ADAM29: variants seen among roughly 807,000 people sequenced by gnomAD.
ADAM29 encodes ADAM metallopeptidase domain 29, also known as disintegrin and metalloproteinase domain-containing protein 29.
For synonymous variants in ADAM29, 367 were observed against 342.3 expected (o/e 1.07, Z -0.80); for missense variants, 969 against 1,001.8 (o/e 0.97, Z 0.44).
At chr4:174,959,167 A>C (rs930999609) in intron 4 of ADAM29, among the ~76,000 whole-genome samples, 1 of 151,750 alleles carries the variant, frequency 6.6e-6, no homozygotes, top group Non-Finnish European at 1.5e-5. Flanking sequence ...TCTGCTGTCA[A>C]TGTCATTAGT....
At chr4:174,922,400 A>G (rs1389412280) in intron 2 of ADAM29, among the ~76,000 whole-genome samples, 1 of 152,190 alleles carries the variant, frequency 6.6e-6, no homozygotes, top group Non-Finnish European at 1.5e-5. Flanking sequence ...AGGCAAATAC[A>G]GAGGGTCATA....
At chr4:174,964,366 C>T (rs1160797580) in intron 4 of ADAM29, among the ~76,000 whole-genome samples, 1 of 151,990 alleles carries the variant, frequency 6.6e-6, no homozygotes, top group Non-Finnish European at 1.5e-5. Flanking sequence ...AGAAACCAAA[C>T]CTGCCAACAC....
intron 4 of ADAM29, among the ~76,000 whole-genome samples, chr4:174,946,801 T>G (rs1744873633): frequency 6.6e-6 from 1 of 152,134 alleles, no homozygotes; most frequent in African/African-American, 2.4e-5. Context: ...GTTTTTGGAA[T>G]AGTTTCATTA....
chr4:174,965,616 C>T (rs899117679), intron 4 of ADAM29, among the ~76,000 whole-genome samples: 2 of 151,956 alleles, frequency 1.3e-5, no homozygotes, highest in African/African-American at 4.8e-5. Flanking sequence ...ATTATGGAGC[C>T]TTGAAATACG....
intron 3 of ADAM29, among the ~76,000 whole-genome samples, chr4:174,936,550 A>T (rs1320014835): frequency 6.6e-6 from 1 of 151,954 alleles, no homozygotes; most frequent in African/African-American, 2.4e-5. Context: ...TTAAAAAGTT[A>T]TTTTATTTTA....
chr4:174,929,238 A>G (rs1165783719), intron 2 of ADAM29, among the ~76,000 whole-genome samples: 1 of 152,166 alleles, frequency 6.6e-6, no homozygotes, highest in African/African-American at 2.4e-5. Context: ...TGGTTACTCC[A>G]TATCAGTTGA....
In ADAM29 at chr4:174,975,639, G is replaced by C; in HGVS notation, c.114G>C (p.Arg38Ser). The change falls in exon 5 of 5, where the codon AGG (arginine) becomes AGC (serine). Residue 38 changes from arginine to serine, a missense_variant. By Grantham distance (110) the Arg-to-Ser change is moderately radical. Coordinates refer to ENST00000359240, the MANE Select transcript of ADAM29 (RefSeq NM_014269.4). ...CTCCGGATGTGGTGATTCCTGTGAGGATAACTGGCACCACCAGAGGCATGA... is the reference window on the plus strand; with the variant it reads ...CTCCGGATGTGGTGATTCCTGTGAGCATAACTGGCACCACCAGAGGCATGA... ...HSPPDVVIPV[R>S]ITGTTRGMTP... 1 of 1,612,934 alleles carries C rather than the reference G, an allele frequency of 6.2e-7. No homozygotes were observed.
chr4:174,929,081 G>A (rs77489496), intron 2 of ADAM29, among the ~76,000 whole-genome samples: 1,954 of 152,250 alleles, frequency 0.013, 43 homozygotes, highest in African/African-American at 0.044. Context: ...TAAAATTTCC[G>A]GAATGCCATC....
intron 4 of ADAM29, among the ~76,000 whole-genome samples, chr4:174,951,752 C>T (rs1745190038): frequency 6.6e-6 from 1 of 152,148 alleles, no homozygotes; most frequent in Non-Finnish European, 1.5e-5. Context: ...CGCTCTCAAC[C>T]ATCAGCAGTG....
At chr4:174,922,789 A>G (rs1463302904) in intron 2 of ADAM29, among the ~76,000 whole-genome samples, 3 of 152,026 alleles carry the variant, frequency 2.0e-5, no homozygotes, top group Non-Finnish European at 2.9e-5. Context: ...TGTGATAATC[A>G]CATCTTTTAA....
intron 4 of ADAM29, among the ~76,000 whole-genome samples, chr4:174,969,781 A>C (rs544876329): frequency 6.6e-6 from 1 of 152,196 alleles, no homozygotes; most frequent in Non-Finnish European, 1.5e-5. Flanking sequence ...TATAAAAATG[A>C]AATATCATTA....
rs559943828 is a variant in ADAM29, at chr4:174,924,516, A to T, written c.-451+3724A>T. ...TACACAAAAACCTGCATGTCAATGT[A>T]TATAGCAGCTTTATTCATAATCATC... On this transcript the variant is annotated intron_variant, in intron 2 of 4. Coordinates refer to ENST00000359240, the MANE Select transcript of ADAM29 (RefSeq NM_014269.4). Among the ~76,000 whole-genome samples the T allele has an allele frequency of 9.2e-5, 14 of 152,370 alleles. No individual in the cohort carries two copies. In the South Asian group the frequency reaches 1.7e-3, roughly 18 times the overall value.
chr4:174,961,319 T>C (rs574711811), intron 4 of ADAM29, among the ~76,000 whole-genome samples: 341 of 151,386 alleles, frequency 2.3e-3, no homozygotes, highest in African/African-American at 7.7e-3. Context: ...TTATTCATTA[T>C]ATAGTTGATA....
chr4:174,964,036 C>T (rs1051069870), intron 4 of ADAM29, among the ~76,000 whole-genome samples: 3 of 151,892 alleles, frequency 2.0e-5, no homozygotes, highest in African/African-American at 7.3e-5. Flanking sequence ...TTTTGTGACT[C>T]AATTAATGGG....
chr4:174,950,709 G>T (rs759772788), intron 4 of ADAM29, among the ~76,000 whole-genome samples: 1 of 152,062 alleles, frequency 6.6e-6, no homozygotes, highest in Non-Finnish European at 1.5e-5. Flanking sequence ...TACTTGATGT[G>T]GTTTATCTCT....
intron 4 of ADAM29, among the ~76,000 whole-genome samples, chr4:174,963,434 T>A (rs998652888): frequency 1.3e-5 from 2 of 152,176 alleles, no homozygotes; most frequent in African/African-American, 4.8e-5. Flanking sequence ...TAAGACTGTG[T>A]CCTCTGTTCA....
chr4:174,962,915 A>C (rs562563527), intron 4 of ADAM29, among the ~76,000 whole-genome samples: 11 of 152,306 alleles, frequency 7.2e-5, no homozygotes, highest in Admixed American at 6.5e-4. Flanking sequence ...TAACATGAAA[A>C]ATTATTAGAA....
intron 4 of ADAM29, among the ~76,000 whole-genome samples, chr4:174,972,905 T>C (rs1746549643): frequency 6.6e-6 from 1 of 151,994 alleles, no homozygotes; most frequent in Non-Finnish European, 1.5e-5. Flanking sequence ...GTAGGGAAGA[T>C]CTATGCTGTC....
intron 2 of ADAM29, among the ~76,000 whole-genome samples, chr4:174,923,525 GTATATATATATATATATA>G (rs58980378): frequency 2.0e-4 from 19 of 96,692 alleles, no homozygotes; most frequent in South Asian, 1.3e-3. Flanking sequence ...TGCATTATAT[GTATATATATATATATATA>G]TATATATATA....
Sources: allele counts gnomAD v4.1 joint callset (sites outside exome capture counted in the v4.1 genomes callset), GRCh38; gene constraint gnomAD v4.1.1; transcripts MANE v1.5; gene names NCBI Gene and HGNC (gene_info 2026-07-23, HGNC 2026-07-21).